The following PCDHGB6 variants were observed in gnomAD, a reference collection of about 807,000 sequenced individuals.
The protein encoded by PCDHGB6 is protocadherin gamma-B6.
PCDHGB6 carries 51 observed loss-of-function variants against 59.1 expected under a neutral mutation model. That is an observed-to-expected ratio of 0.86 (90% CI 0.69 to 1.09). The LOEUF (loss-of-function observed/expected upper bound fraction) is 1.09, where lower values mean the gene tolerates loss of function less well. Among genes scored for constraint, PCDHGB6 ranks in the 50% least tolerant of loss-of-function variants. The probability of loss-of-function intolerance (pLI) is 0.00; values close to 1 mark genes in which losing one functional copy is unlikely to be tolerated. For missense variants in PCDHGB6, 1,148 were observed against 1,205.1 expected (o/e 0.95, Z 0.70); for synonymous variants, 466 against 495.1 (o/e 0.94, Z 0.78).
At chr5:141,466,296 A>G (rs2099120415) in intron 1 of PCDHGB6, among the ~76,000 whole-genome samples, 1 of 152,136 alleles carries the variant, frequency 6.6e-6, no homozygotes. Flanking sequence ...TCAGGCTCCC[A>G]AGTAGCTGGG....
intron 1 of PCDHGB6, chr5:141,430,707 CT>C: frequency 6.8e-7 from 1 of 1,478,562 alleles, no homozygotes; most frequent in Non-Finnish European, 9.0e-7. Context: ...GGAACTGCTC[CT>C]GACTTCAGTG....
Position 141,476,468 on chromosome 5 carries a change from C to T in PCDHGB6, c.2419-18339C>T. 6.2e-7 allele frequency: 1 copy of T among 1,614,132 alleles called. No homozygotes were observed. Among genetic ancestry groups the T allele is most frequent in the Non-Finnish European group, 8.5e-7 (1 of 1,180,022 alleles). On this transcript the variant is annotated intron_variant, in intron 1 of 3. Coordinates refer to ENST00000520790, the MANE Select transcript of PCDHGB6 (RefSeq NM_018926.3). The surrounding 1 kb of genome is among the most constrained non-coding windows in gnomAD (Gnocchi z 7.6). ...GTTGGTAGTGGAGAACCCGCTGGAG[C>T]TGTTCAGCGTGGAAGTGGTGATCCA...
Position 141,409,960 on chromosome 5 carries a change from C to G in PCDHGB6, c.1758C>G (p.Tyr586Ter). ...DMVPRSAEPGYLVTKVVAVDA... is the reference protein window; with the variant it reads ...DMVPRSAEPG ...TACCTCGCTCTGCAGAGCCCGGCTA[C>G]CTAGTGACTAAGGTGGTAGCGGTGG... The change falls in exon 1 of 4, where the codon TAC (tyrosine) becomes TAG (stop). Residue 586 changes from tyrosine (Y) to a stop codon, truncating the protein, a stop_gained. Transcript: ENST00000520790. LOFTEE classifies it high-confidence loss of function. The G allele has an allele frequency of 6.2e-7, 1 of 1,613,416 alleles. No homozygotes were observed. The highest frequency in any genetic ancestry group is 8.5e-7 in the Non-Finnish European group (1 of 1,179,818).
chr5:141,454,998 G>A (rs909142112), intron 1 of PCDHGB6, among the ~76,000 whole-genome samples: 1 of 151,220 alleles, frequency 6.6e-6, no homozygotes, highest in Admixed American at 6.6e-5. Flanking sequence ...ATTTTTAGTA[G>A]AGACGGGGTT....
At chr5:141,415,740 GTT>G (rs57426385) in intron 1 of PCDHGB6, 13,277 of 614,848 alleles carry the variant, frequency 0.022, 3 homozygotes, top group South Asian at 0.023. Context: ...GTTTATTAAG[GTT>G]TTTTTTTTTT....
chr5:141,471,065 T>C (rs1355886133), intron 1 of PCDHGB6, among the ~76,000 whole-genome samples: 3 of 148,628 alleles, frequency 2.0e-5, no homozygotes, highest in Non-Finnish European at 3.0e-5. Context: ...TTTTTTTTTT[T>C]TGAGACAGGG....
rs200491568 is a variant in PCDHGB6, at chr5:141,493,146, G to A, written c.2419-1661G>A. 9.6e-6 allele frequency among the ~76,000 whole-genome samples: 1 copy of A among 104,172 alleles called. No homozygotes were observed. The highest frequency in any genetic ancestry group is 3.1e-5 in the African/African-American group (1 of 32,680). 68.3% of individuals were successfully genotyped at this position (104,172 alleles called of 152,430 possible). A position where few individuals can be genotyped will look rare whatever the true frequency, so the allele number is the denominator to read the frequency against. On this transcript the variant is annotated intron_variant, in intron 1 of 3. Transcript: ENST00000520790. The surrounding 1 kb of genome is among the most constrained non-coding windows in gnomAD (Gnocchi z 4.3). ...AGGACTGTATTTTGAAACACCCCCA[G>A]GTGATTTTGATAGCTGATTGAGAGA... is the stretch of plus-strand genomic sequence containing the variant.
chr5:141,422,156 T>C, intron 1 of PCDHGB6: 2 of 1,573,504 alleles, frequency 1.3e-6, no homozygotes, highest in Non-Finnish European at 8.6e-7. Flanking sequence ...TCTCTGGATT[T>C]TGAAAAATAT....
intron 1 of PCDHGB6, chr5:141,423,072 G>A: frequency 1.2e-6 from 2 of 1,614,120 alleles, no homozygotes; most frequent in Non-Finnish European, 1.7e-6. Flanking sequence ...CCAGCGAGCC[G>A]GGACTCTTCG....
intron 1 of PCDHGB6, among the ~76,000 whole-genome samples, chr5:141,425,406 T>C (rs915792432): frequency 3.9e-5 from 6 of 152,222 alleles, no homozygotes; most frequent in Non-Finnish European, 7.3e-5. Flanking sequence ...TCTGTTAAGG[T>C]ATAACATATA....
rs532631149 is a variant in PCDHGB6, at chr5:141,506,489, C to A, written c.2566+1008C>A. On this transcript the variant is annotated intron_variant, in intron 3 of 3. Transcript: ENST00000520790. ...AAGAGCACAGGCTTTAGAGGCAGGC[C>A]AATCTGGATTCAAATCCTGGCACCT... 1.9e-4 allele frequency among the ~76,000 whole-genome samples: 29 copies of A among 150,750 alleles called. 1 individual carries two copies. In the South Asian group the frequency reaches 5.9e-3, roughly 31 times the overall value.
intron 1 of PCDHGB6, chr5:141,414,643 C>G (rs765652709): frequency 1.2e-6 from 2 of 1,613,942 alleles, no homozygotes; most frequent in Non-Finnish European, 8.5e-7. Flanking sequence ...AGAGAATGCC[C>G]AGATTATTTA....
Position 141,472,217 on chromosome 5 carries a change from C to T in PCDHGB6, c.2419-22590C>T, listed in dbSNP as rs181908144. On this transcript the variant is annotated intron_variant, in intron 1 of 3. Transcript: ENST00000520790. ...CTTTTTGACACTAAGACCTTACTCTCGATCATATAATACATTCACTTTCTA... is the reference window on the plus strand; with the variant it reads ...CTTTTTGACACTAAGACCTTACTCTTGATCATATAATACATTCACTTTCTA... Among the ~76,000 whole-genome samples the T allele has an allele frequency of 3.1e-4, 47 of 152,234 alleles. 1 individual carries two copies. The highest frequency in any genetic ancestry group is 1.1e-3 in the African/African-American group (44 of 41,538).
intron 1 of PCDHGB6, chr5:141,420,276 T>C: frequency 6.6e-7 from 1 of 1,523,250 alleles, no homozygotes; most frequent in Non-Finnish European, 8.9e-7. Context: ...CTTAAACAGG[T>C]AAGTATTTAA....
chr5:141,447,848 G>A (rs539844218), intron 1 of PCDHGB6, among the ~76,000 whole-genome samples: 46 of 152,302 alleles, frequency 3.0e-4, no homozygotes, highest in East Asian at 2.7e-3. Context: ...TGCTTTGGGA[G>A]GCCGAGGTGG....
rs539038497 is a variant in PCDHGB6 at position 141,420,464 on chromosome 5, C to T, written c.2418+9844C>T. 2.0e-4 allele frequency: 164 copies of T among 801,490 alleles called. 1 individual carries two copies. In the South Asian group the frequency reaches 6.4e-3, roughly 31 times the overall value. 49.6% of individuals were successfully genotyped at this position (801,490 alleles called of 1,614,324 possible). ...CCTCAGTCTTCCTACTATTCAAAGA[C>T]ATTTTAAAGCAAACTACATGGGTAA... On this transcript the variant is annotated intron_variant, in intron 1 of 3. Transcript: ENST00000520790.
chr5:141,455,787 C>T (rs1259121501), intron 1 of PCDHGB6, among the ~76,000 whole-genome samples: 2 of 152,004 alleles, frequency 1.3e-5, no homozygotes, highest in Non-Finnish European at 2.9e-5. Flanking sequence ...GAAACTTTTC[C>T]GGAGATGCTT....
At chr5:141,500,809 A>G (rs1018522111) in intron 2 of PCDHGB6, among the ~76,000 whole-genome samples, 1 of 152,324 alleles carries the variant, frequency 6.6e-6, no homozygotes, top group African/African-American at 2.4e-5. Context: ...CCTCATATGA[A>G]TATACATATT....
At chr5:141,413,445 C>G (rs764464917) in intron 1 of PCDHGB6, 105 of 1,613,986 alleles carry the variant, frequency 6.5e-5, no homozygotes, top group Non-Finnish European at 8.5e-5. Context: ...GCTTGATCAC[C>G]GCGGGCAGGA....
Sources: allele counts gnomAD v4.1 joint callset (sites outside exome capture counted in the v4.1 genomes callset), GRCh38; gene constraint gnomAD v4.1.1; non-coding constraint Gnocchi (gnomAD v3.1); transcripts MANE v1.5; gene names NCBI Gene and HGNC (gene_info 2026-07-23, HGNC 2026-07-21).